Variants in R3HCC1L observed in about 807,000 individuals in gnomAD.
R3HCC1L encodes R3H domain and coiled-coil containing 1 like, also known as coiled-coil domain-containing protein R3HCC1L.
A neutral mutation model predicts 59.9 loss-of-function variants in R3HCC1L; 51 were observed. The ratio of observed to expected loss-of-function variants is 0.85; its 90% CI spans 0.68 to 1.07. R3HCC1L has a LOEUF of 1.07. R3HCC1L is among the 50% of genes least tolerant of loss of function. R3HCC1L has a pLI of 0.00. For synonymous variants in R3HCC1L, 322 were observed against 315.2 expected, an observed-to-expected ratio of 1.02 and a Z score of -0.23; for missense variants, 965 against 933.0, an observed-to-expected ratio of 1.03 and a Z score of -0.45.
At chr10:98,224,993 T>C (rs1855504189) in intron 5 of R3HCC1L, among the ~76,000 whole-genome samples, 1 of 152,242 alleles carries the variant, frequency 6.6e-6, no homozygotes, top group African/African-American at 2.4e-5. Context: ...ATTAATAATA[T>C]ATTTTAACCT....
chr10:98,206,456 ATTAG>A (rs1442507723), intron 4 of R3HCC1L, among the ~76,000 whole-genome samples: 7 of 151,748 alleles, frequency 4.6e-5, no homozygotes, highest in East Asian at 3.9e-4. Context: ...TTTGGTATTT[ATTAG>A]TTCTGTCATT....
intron 4 of R3HCC1L, among the ~76,000 whole-genome samples, chr10:98,172,015 G>T (rs1379204484): frequency 6.6e-6 from 1 of 152,132 alleles, no homozygotes; most frequent in Non-Finnish European, 1.5e-5. Flanking sequence ...CAACATTTTA[G>T]GATTATGTTC....
intron 4 of R3HCC1L, among the ~76,000 whole-genome samples, chr10:98,169,664 G>A (rs1462750084): frequency 6.6e-6 from 1 of 152,144 alleles, no homozygotes; most frequent in Non-Finnish European, 1.5e-5. Flanking sequence ...TGGCTTAATA[G>A]TTCTTTCTTA....
intron 4 of R3HCC1L, among the ~76,000 whole-genome samples, chr10:98,175,072 C>G (rs564687460): frequency 6.6e-6 from 1 of 152,014 alleles, no homozygotes; most frequent in African/African-American, 2.4e-5. Context: ...TCATCGTTAA[C>G]GCGTGCAAAG....
chr10:98,154,862 G>A (rs1846681669), intron 1 of R3HCC1L, among the ~76,000 whole-genome samples: 1 of 152,140 alleles, frequency 6.6e-6, no homozygotes, highest in African/African-American at 2.4e-5. Flanking sequence ...TTGTTTTTAG[G>A]ATGTAATCTC....
chr10:98,171,974 G>GTAGAAGC (rs1399555315), intron 4 of R3HCC1L, among the ~76,000 whole-genome samples: 1 of 152,184 alleles, frequency 6.6e-6, no homozygotes, highest in Non-Finnish European at 1.5e-5. Flanking sequence ...ATGCAAGAGA[G>GTAGAAGC]TAGAAGCCAG....
In R3HCC1L at chr10:98,184,516, A is replaced by G. The variant is rs115497664; in HGVS notation, c.-15+21119A>G. 1.1e-3 allele frequency among the ~76,000 whole-genome samples: 170 copies of G among 152,284 alleles called. 1 individual carries two copies. The highest frequency in any genetic ancestry group is 4.0e-3 in the African/African-American group (167 of 41,542). Reference sequence around the variant, plus strand: ...GTATAGCCTAGGTGTGTAACAGGCTATACTGTCTTTGTCTGTGTAAGTATA... The same window carrying G: ...GTATAGCCTAGGTGTGTAACAGGCTGTACTGTCTTTGTCTGTGTAAGTATA... On this transcript the variant is annotated intron_variant, in intron 4 of 9. Transcript: ENST00000298999.
intron 4 of R3HCC1L, among the ~76,000 whole-genome samples, chr10:98,200,597 A>G (rs1851923694): frequency 6.6e-6 from 1 of 152,144 alleles, no homozygotes; most frequent in Admixed American, 6.5e-5. Flanking sequence ...TTTGTAGTAT[A>G]GAATCTGGCC....
intron 5 of R3HCC1L, among the ~76,000 whole-genome samples, chr10:98,225,551 C>T (rs926118872): frequency 6.6e-6 from 1 of 152,166 alleles, no homozygotes; most frequent in Non-Finnish European, 1.5e-5. Context: ...GAAGTTCTTC[C>T]TCCTCTAGGA....
chr10:98,184,502 G>A (rs984407254), intron 4 of R3HCC1L, among the ~76,000 whole-genome samples: 1 of 152,104 alleles, frequency 6.6e-6, no homozygotes, highest in Non-Finnish European at 1.5e-5. Flanking sequence ...TATAGCCTAG[G>A]TGTGTAACAG....
chr10:98,135,039 C>T (rs369146201), intron 1 of R3HCC1L, among the ~76,000 whole-genome samples: 1 of 152,170 alleles, frequency 6.6e-6, no homozygotes, highest in African/African-American at 2.4e-5. Context: ...TGAGCGGGGT[C>T]CCTGGTTACC....
intron 4 of R3HCC1L, among the ~76,000 whole-genome samples, chr10:98,177,302 T>C (rs971775492): frequency 2.6e-5 from 4 of 152,166 alleles, no homozygotes; most frequent in Non-Finnish European, 4.4e-5. Context: ...GTCCTTGGAA[T>C]AGTTTGCTCA....
intron 4 of R3HCC1L, among the ~76,000 whole-genome samples, chr10:98,177,031 TATTA>T (rs1455107340): frequency 5.9e-5 from 9 of 152,168 alleles, no homozygotes; most frequent in South Asian, 2.1e-4. Context: ...AAAATTAATT[TATTA>T]ATTAATTTAT....
intron 4 of R3HCC1L, among the ~76,000 whole-genome samples, chr10:98,202,396 A>G (rs1366083072): frequency 6.6e-6 from 1 of 152,178 alleles, no homozygotes; most frequent in Non-Finnish European, 1.5e-5. Flanking sequence ...CTGGATGATC[A>G]AAGTTAAGAG....
intron 9 of R3HCC1L, among the ~76,000 whole-genome samples, chr10:98,240,498 G>T (rs1418164653): frequency 6.6e-6 from 1 of 152,140 alleles, no homozygotes; most frequent in Non-Finnish European, 1.5e-5. Flanking sequence ...ATTCTTGAAG[G>T]TAGGTGATTA....
intron 5 of R3HCC1L, among the ~76,000 whole-genome samples, chr10:98,222,260 C>T (rs940016925): frequency 1.8e-4 from 27 of 152,230 alleles, no homozygotes; most frequent in Non-Finnish European, 2.9e-4. Context: ...AGTTGCTTAT[C>T]AGCTTAAGGA....
chr10:98,205,288 C>CT (rs2135190300), intron 4 of R3HCC1L, among the ~76,000 whole-genome samples: 1 of 152,174 alleles, frequency 6.6e-6, no homozygotes, highest in South Asian at 2.1e-4. Flanking sequence ...TTCCCCAACT[C>CT]TATATTTGGT....
At chr10:98,149,480 A>G (rs1169715831) in intron 1 of R3HCC1L, among the ~76,000 whole-genome samples, 1 of 152,080 alleles carries the variant, frequency 6.6e-6, no homozygotes, top group African/African-American at 2.4e-5. Flanking sequence ...GTAGGCATTT[A>G]TTGCTATAAC....
At chr10:98,216,811 C>T (rs1854264423) in intron 5 of R3HCC1L, among the ~76,000 whole-genome samples, 1 of 152,036 alleles carries the variant, frequency 6.6e-6, no homozygotes, top group African/African-American at 2.4e-5. Flanking sequence ...ATCTTGTGGC[C>T]TCAAGTGATC....
Sources: gnomAD v4.1 joint callset for allele counts (sites outside exome capture counted in the v4.1 genomes callset) on GRCh38, gnomAD v4.1.1 for gene constraint, MANE v1.5 for transcripts, NCBI Gene and HGNC (gene_info 2026-07-23, HGNC 2026-07-21) for gene names.